Variants in PJA2 observed in about 807,000 individuals in gnomAD.
The protein encoded by PJA2 is E3 ubiquitin-protein ligase Praja-2.
In PJA2, 25 loss-of-function variants were observed where a neutral mutation model predicts 69.3. The ratio of observed to expected loss-of-function variants is 0.36; its 90% CI spans 0.26 to 0.50. PJA2 has a LOEUF of 0.50. PJA2 is among the 20% of genes least tolerant of loss of function. PJA2 has a pLI of 0.96. For synonymous variants in PJA2, 308 were observed against 277.8 expected (o/e 1.11, Z -1.08); for missense variants, 809 against 830.2 (o/e 0.97, Z 0.31).
At chr5:109,367,648 A>G (rs2061925010) in intron 5 of PJA2, among the ~76,000 whole-genome samples, 1 of 152,220 alleles carries the variant, frequency 6.6e-6, no homozygotes, top group African/African-American at 2.4e-5. Context: ...ACAAAAAACT[A>G]AAAGACAATT....
Position 109,378,627 on chromosome 5 carries a change from G to C in PJA2, c.860C>G (p.Ala287Gly). The C allele has an allele frequency of 6.2e-7, 1 of 1,614,056 alleles. No homozygotes were observed. The highest frequency in any genetic ancestry group is 1.1e-5 in the South Asian group (1 of 91,080). Residue 287 changes from alanine (A) to glycine (G), a missense_variant, in exon 4 of 10, where the codon GCC becomes GGC. Around this residue, in one of 4 missense-constraint regions of PJA2, gnomAD observed 700 missense variants for 639.5 expected, o/e 1.09. Coordinates refer to ENST00000361189, the MANE Select transcript of PJA2 (RefSeq NM_014819.5). Reference protein sequence around the residue: ...RQTEHSPEDAACGPGHICSEQ... With the variant: ...RQTEHSPEDAGCGPGHICSEQ... The stretch of plus-strand genomic sequence containing the variant: ...ACTACAAATATGCCCTGGACCACAG[G>C]CTGCATCTTCAGGTGAATGTTCTGT...
At chr5:109,346,905 A>G (rs1054896375) in intron 7 of PJA2, among the ~76,000 whole-genome samples, 1 of 152,244 alleles carries the variant, frequency 6.6e-6, no homozygotes, top group Non-Finnish European at 1.5e-5. Context: ...TTTCCCATAT[A>G]GAAGAAGAAT....
At chr5:109,341,518 G>A (rs1269597135) in intron 9 of PJA2, among the ~76,000 whole-genome samples, 7 of 138,240 alleles carry the variant, frequency 5.1e-5, no homozygotes, top group Non-Finnish European at 6.4e-5. Context: ...GAGCGTCTCC[G>A]CCCGGCAGCC....
At chr5:109,373,606 T>C (rs1001290599) in intron 4 of PJA2, among the ~76,000 whole-genome samples, 2 of 152,186 alleles carry the variant, frequency 1.3e-5, no homozygotes, top group African/African-American at 4.8e-5. Context: ...AAAATGATCA[T>C]GGAACAGTGA....
At chr5:109,372,598 G>T (rs1762691140) in intron 4 of PJA2, among the ~76,000 whole-genome samples, 3 of 152,074 alleles carry the variant, frequency 2.0e-5, no homozygotes, top group African/African-American at 4.8e-5. Flanking sequence ...AAATCAGGAG[G>T]TCACCACTGA....
In PJA2 at chr5:109,378,836, T is replaced by C. The variant is rs1746966223; in HGVS notation, c.651A>G (p.Pro217=). 1.2e-6 allele frequency: 2 copies of C among 1,613,748 alleles called. No individual in the cohort carries two copies. Among genetic ancestry groups the C allele is most frequent in the Non-Finnish European group, 8.5e-7 (1 of 1,180,024 alleles). The change falls in exon 4 of 10, where the codon CCA becomes CCG. Residue 217 remains proline, a synonymous_variant. Coordinates refer to ENST00000361189, the MANE Select transcript of PJA2 (RefSeq NM_014819.5). ...REAEAYTGLS[P]PVPSFNCEVR... is the part of the protein sequence containing the mutation. The stretch of plus-strand genomic sequence containing the variant: ...CTTCACAGTTAAATGAGGGAACTGG[T>C]GGTGAAAGACCAGTGTATGCCTCTG...
intron 7 of PJA2, among the ~76,000 whole-genome samples, chr5:109,355,197 T>G (rs1445042707): frequency 6.6e-6 from 1 of 152,194 alleles, no homozygotes; most frequent in Non-Finnish European, 1.5e-5. Context: ...ATAATGCTCC[T>G]AAAAGTTCTT....
chr5:109,398,298 A>T (rs970307895), intron 1 of PJA2, among the ~76,000 whole-genome samples: 3 of 152,160 alleles, frequency 2.0e-5, no homozygotes, highest in African/African-American at 7.2e-5. Context: ...AGGATTATAA[A>T]TCATGCTGCT....
chr5:109,352,464 T>G (rs1176878178), intron 7 of PJA2, among the ~76,000 whole-genome samples: 2 of 152,314 alleles, frequency 1.3e-5, no homozygotes, highest in African/African-American at 4.8e-5. Context: ...TTAATCTTTA[T>G]GTATTTCTGA....
At chr5:109,348,034 T>G (rs1287282043) in intron 7 of PJA2, among the ~76,000 whole-genome samples, 1 of 152,164 alleles carries the variant, frequency 6.6e-6, no homozygotes, top group African/African-American at 2.4e-5. Context: ...AGTGTTGAGC[T>G]CCTTGCCAAT....
At chr5:109,340,843 T>C (rs1293327683) in intron 9 of PJA2, among the ~76,000 whole-genome samples, 7 of 103,492 alleles carry the variant, frequency 6.8e-5, no homozygotes, top group African/African-American at 1.8e-4. Context: ...GGTTTCGCTG[T>C]GTTGGCCGGG....
intron 1 of PJA2, among the ~76,000 whole-genome samples, chr5:109,397,881 G>C (rs1747453633): frequency 1.3e-5 from 2 of 152,198 alleles, no homozygotes; most frequent in South Asian, 4.1e-4. Flanking sequence ...ATTGCTGCTA[G>C]GGTATGAGTA....
intron 6 of PJA2, among the ~76,000 whole-genome samples, chr5:109,358,797 G>A (rs1762464078): frequency 6.6e-6 from 1 of 151,990 alleles, no homozygotes; most frequent in Non-Finnish European, 1.5e-5. Context: ...CTCCAGCCAG[G>A]GTGACAGAAT....
chr5:109,382,598 G>A (rs1313563320), intron 2 of PJA2, among the ~76,000 whole-genome samples: 4 of 151,664 alleles, frequency 2.6e-5, no homozygotes, highest in East Asian at 1.9e-4. Context: ...CTGTAATCCC[G>A]GTACTTTGGG....
chr5:109,343,350 TAAAAAAAAAAAAAA>T (rs55754432), intron 9 of PJA2, among the ~76,000 whole-genome samples: 1 of 40,028 alleles, frequency 2.5e-5, no homozygotes, highest in Non-Finnish European at 4.3e-5. Context: ...TAATGTACCA[TAAAAAAAAAAAAAA>T]AAAAAAAAAA....
At chr5:109,337,473 C>G in intron 9 of PJA2, 117 bp from the exon 10 acceptor site, 1 of 1,153,092 alleles carries the variant, frequency 8.7e-7, no homozygotes, top group African/African-American at 1.6e-5. Context: ...CAACAAAAAA[C>G]AAACTTCAAA....
chr5:109,385,258 T>C lies in PJA2; in HGVS notation c.-87-1738A>G, dbSNP rs1358727796. Among the ~76,000 whole-genome samples the C allele has an allele frequency of 2.6e-5, 4 of 152,316 alleles. No homozygotes were observed. In the East Asian group the frequency reaches 7.7e-4, roughly 29 times the overall value. On this transcript the variant is annotated intron_variant, in intron 1 of 9. Transcript: ENST00000361189. ...TGAGGTCTAAAGCAGGGAGCACTGT[T>C]AAAAAGCTATCAAAATAATACTGGT...
At chr5:109,367,133 CAAA>C (rs1163494179) in intron 5 of PJA2, among the ~76,000 whole-genome samples, 4,270 of 131,522 alleles carry the variant, frequency 0.032, 85 homozygotes, top group Non-Finnish European at 0.047. Flanking sequence ...GACTCCGTCT[CAAA>C]AAAAAAAATA....
At chr5:109,380,484 A>C (rs1283061363) in intron 3 of PJA2, among the ~76,000 whole-genome samples, 1 of 152,148 alleles carries the variant, frequency 6.6e-6, no homozygotes, top group East Asian at 1.9e-4. Context: ...AAAAATAAAC[A>C]AGCCAAGTTA....
Sources: gnomAD v4.1 joint callset for allele counts (sites outside exome capture counted in the v4.1 genomes callset) on GRCh38, gnomAD v4.1.1 for gene constraint, gnomAD v4.1.1 regional missense constraint, MANE v1.5 for transcripts, NCBI Gene and HGNC (gene_info 2026-07-23, HGNC 2026-07-21) for gene names.